The following ABI3BP variants were observed in gnomAD, a reference collection of about 807,000 sequenced individuals.
ABI3BP encodes the protein target of Nesh-SH3.
Under a neutral mutation model 268.6 loss-of-function variants are expected in ABI3BP, and 216 were observed. That is an observed-to-expected ratio of 0.80 (90% confidence interval 0.72 to 0.90). The LOEUF is 0.90. ABI3BP is among the 40% of genes least tolerant of loss of function. The pLI is 0.00. For missense variants in ABI3BP, 2,090 were observed against 2,182.4 expected, an observed-to-expected ratio of 0.96 and a Z score of 0.84; for synonymous variants, 730 against 730.0, an observed-to-expected ratio of 1.00 and a Z score of 0.00.
chr3:100,834,232 A>C (rs1345904779), intron 29 of ABI3BP, among the ~76,000 whole-genome samples: 1 of 152,208 alleles, frequency 6.6e-6, no homozygotes, highest in Non-Finnish European at 1.5e-5. Flanking sequence ...AGAATTAACG[A>C]TGTGCCTAAC....
chr3:100,775,565 G>A (rs1214755801), intron 59 of ABI3BP, among the ~76,000 whole-genome samples: 2 of 152,110 alleles, frequency 1.3e-5, no homozygotes, highest in African/African-American at 4.8e-5. Context: ...CATCACAGAG[G>A]GGGCGCGTAA....
chr3:100,821,025 A>T (rs1161784576), intron 39 of ABI3BP, 29 bp downstream of exon 39: 23 of 1,524,272 alleles, frequency 1.5e-5, no homozygotes, highest in Non-Finnish European at 4.4e-6. Context: ...AAGGAAGAAC[A>T]CTTAATGAGG....
At chr3:100,876,204 C>T (rs993395770) in intron 7 of ABI3BP, among the ~76,000 whole-genome samples, 7 of 152,146 alleles carry the variant, frequency 4.6e-5, no homozygotes, top group African/African-American at 7.2e-5. Flanking sequence ...TGGGTTTCTT[C>T]GGGTATGACA....
At chr3:100,876,392 A>G (rs1338242847) in intron 7 of ABI3BP, 120 bp downstream of exon 7, 1 of 934,206 alleles carries the variant, frequency 1.1e-6, no homozygotes, top group Non-Finnish European at 1.6e-6. Context: ...ATTTTCTTTG[A>G]ACTTTTTCTC....
chr3:100,828,468 A>G lies in ABI3BP; in HGVS notation c.2543-16T>C. 3 of 1,527,990 alleles carry G rather than the reference A, an allele frequency of 2.0e-6. 1 individual carries two copies. Among genetic ancestry groups the G allele is most frequent in the South Asian group, 2.4e-5 (2 of 83,246 alleles). The allele number at this position is 1,527,990 out of a possible 1,614,324, so 94.7% of individuals were successfully genotyped here. On this transcript the variant is annotated splice_polypyrimidine_tract_variant and intron_variant, in intron 33 of 67. Coordinates refer to ENST00000471714, the MANE Select transcript of ABI3BP (RefSeq NM_001375547.2). ...GTAGCAGGAACTGGCCAAAAATAAT[A>G]AAAATAAAACACCAACAAAACATTA...
At chr3:100,761,010 A>T (rs752344135) in intron 63 of ABI3BP, among the ~76,000 whole-genome samples, 1 of 151,802 alleles carries the variant, frequency 6.6e-6, no homozygotes, top group African/African-American at 2.4e-5. Context: ...TCAATAGTTG[A>T]TTTTTCTGCT....
intron 1 of ABI3BP, among the ~76,000 whole-genome samples, chr3:100,982,897 G>A (rs1183906788): frequency 1.3e-5 from 2 of 152,036 alleles, no homozygotes; most frequent in African/African-American, 2.4e-5. Flanking sequence ...ATCTCCTGCC[G>A]ACATAGCTGG....
At chr3:100,850,488 A>T (rs1439261923) in intron 16 of ABI3BP, among the ~76,000 whole-genome samples, 172 bp downstream of exon 16, 2 of 152,370 alleles carry the variant, frequency 1.3e-5, no homozygotes, top group South Asian at 2.1e-4. Flanking sequence ...TAGAGCCCTA[A>T]ATGGAACGTA....
intron 27 of ABI3BP, among the ~76,000 whole-genome samples, chr3:100,836,713 G>T (rs2098597622): frequency 6.6e-6 from 1 of 152,184 alleles, no homozygotes; most frequent in Admixed American, 6.5e-5. Flanking sequence ...TTGTGAGAAA[G>T]AAACAGTTAT....
intron 4 of ABI3BP, among the ~76,000 whole-genome samples, chr3:100,889,361 T>C (rs1307505238): frequency 6.6e-6 from 1 of 152,136 alleles, no homozygotes; most frequent in African/African-American, 2.4e-5. Flanking sequence ...TGCACTGGAC[T>C]CTTTCAACTG....
chr3:100,884,464 C>A (rs138753718), intron 6 of ABI3BP, among the ~76,000 whole-genome samples: 5 of 152,232 alleles, frequency 3.3e-5, no homozygotes, highest in South Asian at 2.1e-4. Context: ...TTGCCTTAGG[C>A]AGATTAATTT....
chr3:100,912,293 A>AAAAAAAAAAAAAAAAAAAAAAAAAAC (rs2056946784), intron 2 of ABI3BP: 1 of 156,084 alleles, frequency 6.4e-6, no homozygotes, highest in African/African-American at 2.4e-5. Flanking sequence ...AAAAAAAAAA[A>AAAAAAAAAAAAAAAAAAAAAAAAAAC]AAAAAAAAAA....
chr3:100,837,209 G>A (rs2098607281), intron 26 of ABI3BP, 38 bp from the exon 27 acceptor site: 1 of 1,502,302 alleles, frequency 6.7e-7, no homozygotes, highest in Admixed American at 2.1e-5. Flanking sequence ...AGTAATAAAA[G>A]CAAGGAAGTC....
chr3:100,918,473 C>A (rs144933837), intron 2 of ABI3BP, among the ~76,000 whole-genome samples: 3 of 151,904 alleles, frequency 2.0e-5, no homozygotes, highest in African/African-American at 7.3e-5. Context: ...TAGAGGCAGA[C>A]AAGACACACA....
chr3:100,987,795 A>G (rs1188872483), intron 1 of ABI3BP, among the ~76,000 whole-genome samples: 1 of 152,250 alleles, frequency 6.6e-6, no homozygotes, highest in African/African-American at 2.4e-5. Context: ...AAAATGAGAT[A>G]ATTTACATAA....
intron 63 of ABI3BP, among the ~76,000 whole-genome samples, chr3:100,757,540 AAAC>A (rs2095688718): frequency 1.4e-5 from 2 of 142,692 alleles, no homozygotes; most frequent in African/African-American, 4.9e-5. Flanking sequence ...TATCAAAGTA[AAAC>A]AACTTTTAAA....
At chr3:100,943,327 A>T (rs2070415094) in intron 1 of ABI3BP, among the ~76,000 whole-genome samples, 1 of 152,098 alleles carries the variant, frequency 6.6e-6, no homozygotes, top group Admixed American at 6.6e-5. Flanking sequence ...ATGTCAACTG[A>T]ATTTCAGTAC....
intron 11 of ABI3BP, 86 bp downstream of exon 11, chr3:100,864,747 G>C (rs1560990703): frequency 3.1e-6 from 3 of 954,508 alleles, no homozygotes; most frequent in Non-Finnish European, 4.7e-6. Context: ...AGAAGTTAAG[G>C]CACCAGGTTT....
chr3:100,799,800 A>G (rs965081444), intron 51 of ABI3BP, among the ~76,000 whole-genome samples: 2 of 152,170 alleles, frequency 1.3e-5, no homozygotes, highest in Admixed American at 6.5e-5. Flanking sequence ...CTATGATATT[A>G]TCCAACATTT....
Sources: gnomAD v4.1 joint callset for allele counts (sites outside exome capture counted in the v4.1 genomes callset) on GRCh38, gnomAD v4.1.1 for gene constraint, MANE v1.5 for transcripts, NCBI Gene and HGNC (gene_info 2026-07-23, HGNC 2026-07-21) for gene names.